Variants in DTX2 observed in about 807,000 individuals in gnomAD.
DTX2 encodes deltex E3 ubiquitin ligase 2.
A neutral mutation model predicts 55.3 loss-of-function variants in DTX2; 29 were observed. The observed-to-expected ratio is 0.52, with a 90% confidence interval of 0.39 to 0.71. The LOEUF (loss-of-function observed/expected upper bound fraction) is 0.71. Among genes scored for constraint, DTX2 ranks in the 30% least tolerant of loss-of-function variants. DTX2 has a pLI of 0.00. For missense variants in DTX2, 537 were observed against 822.5 expected, an observed-to-expected ratio of 0.65 and a Z score of 4.25; for synonymous variants, 276 against 340.4, an observed-to-expected ratio of 0.81 and a Z score of 2.08.
In DTX2 at chr7:76,480,740, T is replaced by C. The variant is rs771637071; in HGVS notation, c.231T>C (p.Ile77=). The change falls in exon 3 of 11, where the codon ATT becomes ATC. Residue 77 remains isoleucine, a synonymous_variant. Transcript: ENST00000430490. ...QADPSLAPYI[I]DLPSWTQFRQ... ...ACCCCTCGCTGGCCCCTTACATTATTGACCTCCCCAGCTGGACCCAGTTCC... is the reference window on the plus strand; with the variant it reads ...ACCCCTCGCTGGCCCCTTACATTATCGACCTCCCCAGCTGGACCCAGTTCC... 139 of 1,612,296 alleles carry C rather than the reference T, an allele frequency of 8.6e-5. No homozygotes were observed. Among genetic ancestry groups the C allele is most frequent in the Non-Finnish European group, 1.0e-4 (120 of 1,179,042 alleles).
chr7:76,483,213 C>A (rs1264695643), intron 4 of DTX2, 66 bp downstream of exon 4: 10 of 1,546,384 alleles, frequency 6.5e-6, no homozygotes, highest in African/African-American at 1.4e-5. Flanking sequence ...GGAAGACTCA[C>A]CCCAATTCCT....
At chr7:76,495,472 C>T (rs2690573) in intron 5 of DTX2, among the ~76,000 whole-genome samples, 1 of 152,240 alleles carries the variant, frequency 6.6e-6, no homozygotes, top group Non-Finnish European at 1.5e-5. Flanking sequence ...GTTTGGGGGG[C>T]TGTCCCTAGC....
chr7:76,487,926 G>GA (rs1810065854), intron 4 of DTX2, among the ~76,000 whole-genome samples: 1 of 128,714 alleles, frequency 7.8e-6, no homozygotes, highest in Non-Finnish European at 1.7e-5. Context: ...TCAGGGGGCA[G>GA]TTGGTGCCCC....
In DTX2 at chr7:76,494,344, C is replaced by T. The variant is rs1443509093; in HGVS notation, c.1009+2091C>T. Among the ~76,000 whole-genome samples, 8 of 90,700 alleles carry T rather than the reference C, an allele frequency of 8.8e-5. 3 individuals are homozygous for T. Among genetic ancestry groups the T allele is most frequent in the Non-Finnish European group, 1.4e-4 (6 of 41,894 alleles). The allele number at this position is 90,700 out of a possible 152,430, so 59.5% of individuals were successfully genotyped here. ...GTCCCTGCCCACTGAAGTCACCGTG[C>T]GGCGCCGTAGGGAAATCACAGTGTA... On this transcript the variant is annotated intron_variant, in intron 5 of 10. Transcript: ENST00000430490.
chr7:76,468,521 G>A (rs1356829038), intron 2 of DTX2, among the ~76,000 whole-genome samples: 7 of 60,002 alleles, frequency 1.2e-4, no homozygotes, highest in Non-Finnish European at 1.5e-4. Flanking sequence ...GCAATGGCAC[G>A]ATCTCAGCTC....
rs145065555 is a variant in DTX2, at chr7:76,469,394, CT to C, written c.-90+5701del. Among the ~76,000 whole-genome samples, 412 of 112,190 alleles carry C rather than the reference CT, an allele frequency of 3.7e-3. 1 individual carries two copies. Among genetic ancestry groups the C allele is most frequent in the Middle Eastern group, 0.01 (2 of 200 alleles). The allele number at this position is 112,190 out of a possible 152,430, so 73.6% of individuals were successfully genotyped here. A position where few individuals can be genotyped will look rare whatever the true frequency, so the allele number is the denominator to read the frequency against. On this transcript the variant is annotated intron_variant, in intron 2 of 10. Transcript: ENST00000430490. ...TTTTTTTTTTTTACTGTGAATATTC[CT>C]TTTTTTTTTTTTTTTGAGACGGATT...
At chr7:76,482,356 C>T in intron 3 of DTX2, 152 bp from the exon 4 acceptor site, 2 of 1,009,166 alleles carry the variant, frequency 2.0e-6, no homozygotes, top group Non-Finnish European at 2.9e-6. Flanking sequence ...GGGTACCCTG[C>T]CTCTAACAAT....
chr7:76,505,500 A>G lies in DTX2; in HGVS notation c.1768A>G (p.Asn590Asp). The G allele has an allele frequency of 6.2e-7, 1 of 1,609,850 alleles. No homozygotes were observed. The highest frequency in any genetic ancestry group is 8.5e-7 in the Non-Finnish European group (1 of 1,178,280). The change falls in exon 11 of 11, where the codon AAC (asparagine) becomes GAC (aspartate). Residue 590 changes from asparagine (N) to aspartate (D), a missense_variant. Coordinates refer to ENST00000430490, the MANE Select transcript of DTX2 (RefSeq NM_001102594.3). The surrounding 1 kb of genome is among the most constrained non-coding windows in gnomAD (Gnocchi z 4.4). ...EIHHKTEMDR[N>D]ITGHGYPDPN... is the part of the protein sequence containing the mutation. ...CCACCACAAGACAGAGATGGACCGC[A>G]ACATTACGGGCCACGGCTATCCCGA...
At chr7:76,491,038 C>T (rs1281316681) in intron 4 of DTX2, among the ~76,000 whole-genome samples, 7 of 119,966 alleles carry the variant, frequency 5.8e-5, no homozygotes, top group Non-Finnish European at 1.1e-4. Context: ...TCTCTGTTGC[C>T]CAGGCTGGAG....
rs1010933 is a variant in DTX2 at position 76,505,502 on chromosome 7, C to T, written c.1770C>T (p.Asn590=). The change falls in exon 11 of 11, where the codon AAC becomes AAT. Residue 590 remains asparagine (N), a synonymous_variant. Coordinates refer to ENST00000430490, the MANE Select transcript of DTX2 (RefSeq NM_001102594.3). This position sits in a 1 kb window ranked among gnomAD's most constrained non-coding sequence, Gnocchi z 4.4. ...EIHHKTEMDR[N]ITGHGYPDPN... is the part of the protein sequence containing the mutation. ...ACCACAAGACAGAGATGGACCGCAA[C>T]ATTACGGGCCACGGCTATCCCGACC... The T allele has an allele frequency of 6.2e-7, 1 of 1,609,508 alleles. No individual in the cohort carries two copies. Among genetic ancestry groups the T allele is most frequent in the Admixed American group, 1.7e-5 (1 of 59,498 alleles).
intron 10 of DTX2, among the ~76,000 whole-genome samples, chr7:76,504,902 T>C (rs1425098579): frequency 7.2e-5 from 11 of 151,936 alleles, no homozygotes; most frequent in Non-Finnish European, 1.3e-4. Flanking sequence ...GGGGTAGAGC[T>C]GGTTCTGAGC....
chr7:76,505,583 C>T lies in DTX2; in HGVS notation c.1851C>T (p.Asp617=), dbSNP rs1440176656. Residue 617 remains aspartate, a synonymous_variant, in exon 11 of 11, where the codon GAC becomes GAT. Coordinates refer to ENST00000430490, the MANE Select transcript of DTX2 (RefSeq NM_001102594.3). The surrounding 1 kb of genome is among the most constrained non-coding windows in gnomAD (Gnocchi z 4.4). ...TGGCTGCCCAGGGGGTGACCGAGGA[C>T]TGCCTGGAGCAGCAGTGACCTCGCA... ...AELAAQGVTE[D]CLEQQ The T allele has an allele frequency of 6.4e-7, 1 of 1,570,564 alleles. No homozygotes were observed. The highest frequency in any genetic ancestry group is 1.7e-4 in the Middle Eastern group (1 of 6,020).
chr7:76,473,308 G>A (rs981598684), intron 2 of DTX2, among the ~76,000 whole-genome samples: 8 of 151,254 alleles, frequency 5.3e-5, no homozygotes, highest in African/African-American at 1.9e-4. Context: ...GTCACGCACA[G>A]TGTGTCAGCT....
In DTX2 at chr7:76,468,758, A is replaced by ATTTTTTTT. The variant is rs3972784; in HGVS notation, c.-90+5064_-90+5071dup. ...ATAGGCGTGAGCCACCACGCCCAGC[A>ATTTTTTTT]TTTTTTTTTTTTTTTTTTTTTTGAG... is the stretch of plus-strand genomic sequence containing the variant. On this transcript the variant is annotated intron_variant, in intron 2 of 10. Transcript: ENST00000430490. 9.0e-3 allele frequency among the ~76,000 whole-genome samples: 243 copies of ATTTTTTTT among 26,990 alleles called. 6 individuals are homozygous for ATTTTTTTT. Among genetic ancestry groups the ATTTTTTTT allele is most frequent in the East Asian group, 0.033 (26 of 778 alleles). The allele number at this position is 26,990 out of a possible 152,430, so 17.7% of individuals were successfully genotyped here.
chr7:76,480,351 C>G (rs1809034618), intron 2 of DTX2, 70 bp from the exon 3 acceptor site: 2 of 974,228 alleles, frequency 2.1e-6, no homozygotes, highest in Non-Finnish European at 1.5e-6. Flanking sequence ...CGTGTTTCCC[C>G]TGCGCTGAGG....
intron 2 of DTX2, among the ~76,000 whole-genome samples, chr7:76,479,791 T>C (rs542631398): frequency 2.7e-5 from 4 of 150,528 alleles, no homozygotes; most frequent in Non-Finnish European, 4.4e-5. Flanking sequence ...AAAAAATACA[T>C]GCATGATGAA....
At chr7:76,475,226 A>T (rs1623251) in intron 2 of DTX2, among the ~76,000 whole-genome samples, 249 of 151,602 alleles carry the variant, frequency 1.6e-3, no homozygotes, top group African/African-American at 5.9e-3. Context: ...CAGAAGAATC[A>T]CTTGAACCCG....
At chr7:76,484,659 G>A (rs199547870) in intron 4 of DTX2, among the ~76,000 whole-genome samples, 11,109 of 148,458 alleles carry the variant, frequency 0.075, 47 homozygotes, top group East Asian at 0.21. Flanking sequence ...CCTGCTCACC[G>A]GCCCACCCCT....
At chr7:76,502,701 C>T (rs1811875507) in intron 8 of DTX2, 6 of 532,234 alleles carry the variant, frequency 1.1e-5, no homozygotes, top group Admixed American at 3.1e-5. Context: ...TCCCTCCACC[C>T]CTCCAGCCAG....
Sources: gnomAD v4.1 joint callset for allele counts (sites outside exome capture counted in the v4.1 genomes callset) on GRCh38, gnomAD v4.1.1 for gene constraint, Gnocchi (gnomAD v3.1) non-coding constraint, MANE v1.5 for transcripts, NCBI Gene and HGNC (gene_info 2026-07-23, HGNC 2026-07-21) for gene names.